Variants in EEFSEC observed in about 807,000 individuals in gnomAD.
EEFSEC encodes the protein eukaryotic elongation factor, selenocysteine-tRNA specific.
Under a neutral mutation model 42.1 loss-of-function variants are expected in EEFSEC, and 43 were observed. The ratio of observed to expected loss-of-function variants is 1.02; its 90% confidence interval spans 0.80 to 1.32. The LOEUF (loss-of-function observed/expected upper bound fraction) is 1.32. Ranked by LOEUF, EEFSEC falls within the 40% of genes most tolerant of loss-of-function variation. The pLI is 0.00. For synonymous variants in EEFSEC, 354 were observed against 339.1 expected (o/e 1.04, Z -0.48); for missense variants, 745 against 803.6 (o/e 0.93, Z 0.88).
the EEFSEC span, among the ~76,000 whole-genome samples, chr3:128,419,148 C>T: frequency 3.3e-5 from 5 of 152,142 alleles, no homozygotes; most frequent in African/African-American, 4.8e-5. Context: ...CCAGCTGCCA[C>T]GTCTATTAAA....
intron 1 of EEFSEC, among the ~76,000 whole-genome samples, chr3:128,158,717 A>C (rs1944422241): frequency 6.6e-6 from 1 of 152,232 alleles, no homozygotes; most frequent in Admixed American, 6.5e-5. Context: ...TTTTATACAC[A>C]TTGGGAAACC....
intron 4 of EEFSEC, among the ~76,000 whole-genome samples, chr3:128,287,318 A>T (rs997525274): frequency 1.3e-5 from 2 of 151,924 alleles, no homozygotes; most frequent in African/African-American, 4.8e-5. Flanking sequence ...TTGTGCAGCC[A>T]TGGGGGGAGG....
intron 4 of EEFSEC, among the ~76,000 whole-genome samples, chr3:128,320,429 T>C (rs2066994387): frequency 6.6e-6 from 1 of 152,264 alleles, no homozygotes; most frequent in South Asian, 2.1e-4. Context: ...ATGCTAATCA[T>C]TTCACGTGGA....
intron 6 of EEFSEC, among the ~76,000 whole-genome samples, chr3:128,388,359 C>T (rs950821555): frequency 1.3e-5 from 2 of 152,198 alleles, no homozygotes; most frequent in African/African-American, 2.4e-5. Context: ...TCGGACCCCT[C>T]AATTTATCTA....
intron 4 of EEFSEC, among the ~76,000 whole-genome samples, chr3:128,267,055 G>A (rs1267950283): frequency 2.6e-5 from 4 of 152,118 alleles, no homozygotes; most frequent in Non-Finnish European, 2.9e-5. Flanking sequence ...CTGGGAGTAT[G>A]AAAGAGGTGT....
chr3:128,341,924 C>A, intron 5 of EEFSEC, 35 bp downstream of exon 5: 1 of 1,589,226 alleles, frequency 6.3e-7, no homozygotes, highest in East Asian at 2.2e-5. Context: ...ACACCCCTTC[C>A]CTTCTTGCTC....
At chr3:128,333,393 C>T (rs1049132044) in intron 4 of EEFSEC, among the ~76,000 whole-genome samples, 1 of 152,172 alleles carries the variant, frequency 6.6e-6, no homozygotes, top group African/African-American at 2.4e-5. Flanking sequence ...TTAGTGATAT[C>T]GCTGTGCTGA....
At chr3:128,379,378 C>G (rs769223446) in intron 6 of EEFSEC, among the ~76,000 whole-genome samples, 2 of 152,078 alleles carry the variant, frequency 1.3e-5, no homozygotes, top group Non-Finnish European at 2.9e-5. Context: ...GTGTTTATAC[C>G]CAGCGTTTGA....
chr3:128,311,766 CTTG>C (rs1462002412), intron 4 of EEFSEC, among the ~76,000 whole-genome samples: 1 of 152,178 alleles, frequency 6.6e-6, no homozygotes, highest in African/African-American at 2.4e-5. Flanking sequence ...AGGAGTGTTC[CTTG>C]TTGTTTTGCA....
chr3:128,290,677 G>T (rs565753109), intron 4 of EEFSEC, among the ~76,000 whole-genome samples: 1 of 152,062 alleles, frequency 6.6e-6, no homozygotes, highest in African/African-American at 2.4e-5. Context: ...CATGAACATG[G>T]TATATCTTCC....
At chr3:128,369,204 C>T (rs1405847064) in intron 6 of EEFSEC, among the ~76,000 whole-genome samples, 3 of 152,170 alleles carry the variant, frequency 2.0e-5, no homozygotes, top group African/African-American at 7.2e-5. Flanking sequence ...TGGGAGGCTT[C>T]TGGAAACTCA....
At chr3:128,310,033 C>T (rs2066873570) in intron 4 of EEFSEC, among the ~76,000 whole-genome samples, 1 of 152,236 alleles carries the variant, frequency 6.6e-6, no homozygotes, top group Non-Finnish European at 1.5e-5. Context: ...CAATCACATA[C>T]ACCTTGTGCA....
chr3:128,259,138 C>CATTGGTGCTCGGT (rs2066271982), intron 2 of EEFSEC, among the ~76,000 whole-genome samples: 1 of 152,146 alleles, frequency 6.6e-6, no homozygotes, highest in Non-Finnish European at 1.5e-5. Flanking sequence ...TTGCTTGTAC[C>CATTGGTGCTCGGT]ATTGGTGCTC....
At chr3:128,263,832 G>A (rs2066323629) in intron 3 of EEFSEC, among the ~76,000 whole-genome samples, 1 of 152,216 alleles carries the variant, frequency 6.6e-6, no homozygotes, top group Admixed American at 6.5e-5. Flanking sequence ...AGAATCGGCT[G>A]GTGAGGCTGA....
chr3:128,411,837 G>A (rs1467423517), downstream of EEFSEC, among the ~76,000 whole-genome samples: 3 of 152,370 alleles, frequency 2.0e-5, no homozygotes, highest in South Asian at 2.1e-4. Flanking sequence ...GGCAGCTTCC[G>A]TGCTCCCAGG....
chr3:128,285,673 C>G (rs1417682095), intron 4 of EEFSEC, among the ~76,000 whole-genome samples: 1 of 152,154 alleles, frequency 6.6e-6, no homozygotes, highest in East Asian at 1.9e-4. Context: ...GGTTTCCTCC[C>G]TCGCACAGCC....
chr3:128,313,147 T>A (rs1377820052), intron 4 of EEFSEC, among the ~76,000 whole-genome samples: 1 of 152,182 alleles, frequency 6.6e-6, no homozygotes, highest in Non-Finnish European at 1.5e-5. Context: ...TTCCTATTCC[T>A]GCCAGCTCTT....
intron 4 of EEFSEC, among the ~76,000 whole-genome samples, chr3:128,305,466 AT>A (rs899586383): frequency 3.3e-5 from 5 of 152,186 alleles, no homozygotes. Flanking sequence ...GATTGAAGAA[AT>A]TTGTCTCTCA....
intron 6 of EEFSEC, among the ~76,000 whole-genome samples, chr3:128,385,587 GAAC>G (rs1348014967): frequency 6.6e-6 from 1 of 152,214 alleles, no homozygotes; most frequent in Non-Finnish European, 1.5e-5. Flanking sequence ...GTCCCGATGA[GAAC>G]AACAGTGGAC....
Sources: gnomAD v4.1 joint callset for allele counts (sites outside exome capture counted in the v4.1 genomes callset) on GRCh38, gnomAD v4.1.1 for gene constraint, MANE v1.5 for transcripts, NCBI Gene and HGNC (gene_info 2026-07-23, HGNC 2026-07-21) for gene names.